MYO16: variants seen among roughly 807,000 people sequenced by gnomAD.
MYO16 encodes unconventional myosin-XVI.
A neutral mutation model predicts 205.3 loss-of-function variants in MYO16; 94 were observed. The ratio of observed to expected loss-of-function variants is 0.46; its 90% CI spans 0.39 to 0.54. The LOEUF (loss-of-function observed/expected upper bound fraction) is 0.54. MYO16 is among the 20% of genes least tolerant of loss of function. The pLI is 0.00. For missense variants in MYO16, 2,315 were observed against 2,387.5 expected (o/e 0.97, Z 0.63); for synonymous variants, 988 against 954.0 (o/e 1.04, Z -0.66).
the MYO16 span, among the ~76,000 whole-genome samples, chr13:108,542,598 G>A: frequency 6.6e-6 from 1 of 152,034 alleles, no homozygotes. Context: ...CTTGAGATTA[G>A]CCTTTATTTT....
chr13:108,787,460 T>C (rs1209341228), intron 5 of MYO16, among the ~76,000 whole-genome samples: 1 of 152,246 alleles, frequency 6.6e-6, no homozygotes, highest in African/African-American at 2.4e-5. Flanking sequence ...AATGTTTCTT[T>C]TAGAAAATAA....
intron 20 of MYO16, among the ~76,000 whole-genome samples, chr13:108,992,048 C>T (rs1456584582): frequency 6.6e-6 from 1 of 152,040 alleles, no homozygotes; most frequent in Admixed American, 6.6e-5. Context: ...AAATAGACAA[C>T]CTACTGAATG....
intron 24 of MYO16, chr13:109,048,853 A>G (rs1003289028): frequency 6.6e-6 from 1 of 152,010 alleles, no homozygotes; most frequent in Non-Finnish European, 1.5e-5. Flanking sequence ...CTCTGAGACC[A>G]CTAACCAGGT....
intron 10 of MYO16, among the ~76,000 whole-genome samples, chr13:108,848,767 A>G (rs937107538): frequency 1.3e-5 from 2 of 152,178 alleles, no homozygotes; most frequent in Non-Finnish European, 2.9e-5. Context: ...GTGAGCTAGG[A>G]CGTCATCACT....
chr13:108,548,223 T>C, the MYO16 span, among the ~76,000 whole-genome samples: 1 of 149,496 alleles, frequency 6.7e-6, no homozygotes, highest in African/African-American at 2.5e-5. Context: ...ATGATGGTGG[T>C]GGTGGTGGTG....
intron 23 of MYO16, among the ~76,000 whole-genome samples, chr13:109,021,151 TAGGAGAG>T (rs941267470): frequency 8.5e-5 from 13 of 152,146 alleles, no homozygotes; most frequent in East Asian, 3.9e-4. Context: ...TTCAGTTGTA[TAGGAGAG>T]AATCCATTCT....
chr13:109,065,571 A>G, intron 27 of MYO16: 1 of 477,618 alleles, frequency 2.1e-6, no homozygotes, highest in Non-Finnish European at 4.0e-6. Flanking sequence ...TGCTTTGAAA[A>G]GTCCCTACAG....
At chr13:108,750,706 C>T (rs1310606287) in intron 4 of MYO16, among the ~76,000 whole-genome samples, 1 of 151,784 alleles carries the variant, frequency 6.6e-6, no homozygotes, top group Non-Finnish European at 1.5e-5. Flanking sequence ...ACTTAGGAGG[C>T]TGAGGCGGGG....
At chr13:108,533,572 G>T in the MYO16 span, among the ~76,000 whole-genome samples, 1 of 152,188 alleles carries the variant, frequency 6.6e-6, no homozygotes. Flanking sequence ...TTGTGTGTAT[G>T]CCACACATTG....
At position 108,840,644 on chromosome 13, in the gene MYO16, C is replaced by T. The variant is rs1048290963; in HGVS notation, c.1098-3699C>T. Among the ~76,000 whole-genome samples the T allele has an allele frequency of 2.0e-5, 3 of 152,050 alleles. No homozygotes were observed. The South Asian group carries it at 6.2e-4, about 32-fold the overall frequency. ...CCTCGACCTCATAGGCCCAAGTGAT[C>T]CTCCCACCTCAGCCTCCTGAGTAGC... On this transcript the variant is annotated intron_variant, in intron 9 of 34. Transcript: ENST00000457511.
At chr13:109,100,172 A>G (rs545037814) in intron 27 of MYO16, among the ~76,000 whole-genome samples, 8 of 152,354 alleles carry the variant, frequency 5.3e-5, no homozygotes, top group African/African-American at 1.7e-4. Flanking sequence ...TTTAAAAGTC[A>G]TTTTTGAAAA....
At chr13:108,772,269 G>A (rs1308482486) in intron 4 of MYO16, among the ~76,000 whole-genome samples, 1 of 152,106 alleles carries the variant, frequency 6.6e-6, no homozygotes, top group African/African-American at 2.4e-5. Context: ...TGAGGCAGGA[G>A]AGCCTGGGAG....
chr13:108,675,590 A>G (rs114094039), intron 2 of MYO16, among the ~76,000 whole-genome samples: 2,096 of 152,312 alleles, frequency 0.014, 42 homozygotes, highest in African/African-American at 0.045. Context: ...ACCTAGATGG[A>G]AAGATGCACC....
intron 23 of MYO16, among the ~76,000 whole-genome samples, chr13:109,025,003 T>C (rs952190366): frequency 1.1e-4 from 17 of 152,190 alleles, no homozygotes; most frequent in African/African-American, 3.9e-4. Context: ...GTTTGGACAA[T>C]AGGAGGAACA....
the MYO16 span, among the ~76,000 whole-genome samples, chr13:108,501,530 G>C: frequency 6.6e-6 from 1 of 152,228 alleles, no homozygotes; most frequent in African/African-American, 2.4e-5. Context: ...GCTTAGCGGA[G>C]ATCCAGACTT....
At chr13:109,020,861 C>G (rs1462052763) in intron 23 of MYO16, among the ~76,000 whole-genome samples, 2 of 152,282 alleles carry the variant, frequency 1.3e-5, no homozygotes, top group African/African-American at 4.8e-5. Context: ...AAAGAAGGAG[C>G]ATTTGAGAAT....
chr13:108,750,444 A>T (rs1591716), intron 4 of MYO16, among the ~76,000 whole-genome samples: 149,521 of 152,164 alleles, frequency 0.98, 73,507 homozygotes, highest in Middle Eastern at 1. Context: ...TCTACTTCAA[A>T]CCACAAAGTT....
In MYO16 at chr13:108,770,694, ACC is replaced by A. The variant is rs553662452; in HGVS notation, c.508-14939_508-14938del. Among the ~76,000 whole-genome samples, 23 of 152,340 alleles carry A rather than the reference ACC, an allele frequency of 1.5e-4. No homozygotes were observed. In the East Asian group the frequency reaches 4.0e-3, roughly 27 times the overall value. On this transcript the variant is annotated intron_variant, in intron 4 of 34. Coordinates refer to ENST00000457511, the MANE Select transcript of MYO16 (RefSeq NM_001198950.3). ...ATTCACTTACAGTTATTTCCTAAGC[ACC>A]CAAAGGATATTCTCTCACAGATCTT...
intron 28 of MYO16, among the ~76,000 whole-genome samples, chr13:109,108,796 A>C (rs2139732370): frequency 6.6e-6 from 1 of 152,194 alleles, no homozygotes; most frequent in South Asian, 2.1e-4. Flanking sequence ...AAGGGTGAGA[A>C]GGAGCTGGGG....
Sources: allele counts gnomAD v4.1 joint callset (sites outside exome capture counted in the v4.1 genomes callset), GRCh38; gene constraint gnomAD v4.1.1; transcripts MANE v1.5; gene names NCBI Gene and HGNC (gene_info 2026-07-23, HGNC 2026-07-21).